The following CHCHD3 variants were observed in gnomAD, a reference collection of about 807,000 sequenced individuals.
The protein encoded by CHCHD3 is MICOS complex subunit MIC19.
A neutral mutation model predicts 38.2 loss-of-function variants in CHCHD3; 20 were observed. The observed-to-expected ratio is 0.52, with a 90% CI of 0.37 to 0.76. The LOEUF (loss-of-function observed/expected upper bound fraction) is 0.76. CHCHD3 is among the 30% of genes least tolerant of loss of function. The pLI, the probability that CHCHD3 is intolerant of heterozygous loss-of-function variation, is 0.00. For synonymous variants in CHCHD3, 82 were observed against 100.0 expected (o/e 0.82, Z 1.07); for missense variants, 245 against 279.2 (o/e 0.88, Z 0.87).
At chr7:132,807,223 C>G (rs1806942676) in intron 6 of CHCHD3, among the ~76,000 whole-genome samples, 1 of 152,182 alleles carries the variant, frequency 6.6e-6, no homozygotes, top group South Asian at 2.1e-4. Flanking sequence ...GCAGTGGTAC[C>G]TGAGCAGGTG....
chr7:132,960,794 T>C (rs918366409), intron 4 of CHCHD3, among the ~76,000 whole-genome samples: 1 of 151,988 alleles, frequency 6.6e-6, no homozygotes, highest in Non-Finnish European at 1.5e-5. Flanking sequence ...CTGGCCAACA[T>C]GGTGAAACCC....
intron 2 of CHCHD3, among the ~76,000 whole-genome samples, chr7:133,027,363 A>AAGAG (rs371411456): frequency 0.021 from 2,841 of 133,818 alleles, 43 homozygotes; most frequent in Middle Eastern, 0.051. Flanking sequence ...AATAAGTTGT[A>AAGAG]AGAGAGAGAG....
chr7:133,014,814 G>A (rs1262997393), intron 3 of CHCHD3, among the ~76,000 whole-genome samples: 1 of 151,968 alleles, frequency 6.6e-6, no homozygotes, highest in Admixed American at 6.6e-5. Context: ...CACCGTGAAA[G>A]GTGCCCAATT....
At chr7:133,028,130 A>G (rs1813397590) in intron 2 of CHCHD3, among the ~76,000 whole-genome samples, 1 of 152,216 alleles carries the variant, frequency 6.6e-6, no homozygotes, top group Non-Finnish European at 1.5e-5. Flanking sequence ...AATATTTAAC[A>G]TAATTAGTAT....
At chr7:132,918,547 A>C (rs1810178057) in intron 4 of CHCHD3, among the ~76,000 whole-genome samples, 1 of 152,220 alleles carries the variant, frequency 6.6e-6, no homozygotes, top group Admixed American at 6.5e-5. Flanking sequence ...GTCTCACATG[A>C]GTATCAGCCC....
chr7:132,855,510 C>T (rs10488661), intron 5 of CHCHD3, among the ~76,000 whole-genome samples: 35,088 of 152,006 alleles, frequency 0.23, 4,236 homozygotes, highest in South Asian at 0.26. Flanking sequence ...TGGCAAAGGA[C>T]CATCAATCTA....
At chr7:132,942,574 T>A (rs140368445) in intron 4 of CHCHD3, among the ~76,000 whole-genome samples, 16 of 152,296 alleles carry the variant, frequency 1.1e-4, no homozygotes, top group African/African-American at 3.8e-4. Flanking sequence ...CCTGCGGCTT[T>A]ATACATTGGA....
intron 3 of CHCHD3, among the ~76,000 whole-genome samples, chr7:132,984,788 A>C (rs1812043648): frequency 1.4e-5 from 2 of 138,590 alleles, no homozygotes; most frequent in Admixed American, 7.1e-5. Context: ...TCCGCCCGGC[A>C]GCCACTCCGT....
At chr7:132,833,488 GAACT>G (rs1456508574) in intron 6 of CHCHD3, among the ~76,000 whole-genome samples, 12 of 152,076 alleles carry the variant, frequency 7.9e-5, no homozygotes, top group South Asian at 2.1e-4. Flanking sequence ...CAAAAGAGGA[GAACT>G]AACTTTGAAT....
At chr7:132,987,554 G>C (rs557248754) in intron 3 of CHCHD3, among the ~76,000 whole-genome samples, 1 of 152,146 alleles carries the variant, frequency 6.6e-6, no homozygotes, top group African/African-American at 2.4e-5. Context: ...GAGTGCCTTC[G>C]AAACAGCGCC....
intron 3 of CHCHD3, among the ~76,000 whole-genome samples, chr7:132,990,930 G>C (rs953719230): frequency 1.6e-5 from 2 of 128,364 alleles, no homozygotes; most frequent in South Asian, 2.4e-4. Flanking sequence ...TGGCCTTTCT[G>C]CTCCCCTACA....
Position 132,868,773 on chromosome 7 carries a change from G to T in CHCHD3, c.453+16889C>A, listed in dbSNP as rs1250855240. ...ATGAAAAGCTTGGTTTTCAAGAAAA[G>T]ACCTTTTAACCAGGACTATTCACAA... On this transcript the variant is annotated intron_variant, in intron 5 of 7. Transcript: ENST00000262570. Among the ~76,000 whole-genome samples the T allele has an allele frequency of 3.3e-5, 5 of 152,152 alleles. No individual in the cohort carries two copies. In the East Asian group the frequency reaches 9.7e-4, roughly 29 times the overall value.
chr7:132,982,128 G>T (rs6948353), intron 3 of CHCHD3, among the ~76,000 whole-genome samples: 70,215 of 151,622 alleles, frequency 0.46, 16,479 homozygotes, highest in East Asian at 0.55. Context: ...TTAAAAATAA[G>T]GACAAAACAC....
At chr7:132,797,858 C>T (rs1806660818) in intron 6 of CHCHD3, among the ~76,000 whole-genome samples, 1 of 152,042 alleles carries the variant, frequency 6.6e-6, no homozygotes, top group Non-Finnish European at 1.5e-5. Context: ...GGATTAAATA[C>T]ATACAGAGAA....
intron 2 of CHCHD3, among the ~76,000 whole-genome samples, chr7:133,034,256 T>C (rs1308523225): frequency 6.6e-6 from 1 of 152,172 alleles, no homozygotes; most frequent in African/African-American, 2.4e-5. Flanking sequence ...GATTTAAAGC[T>C]ACTCATCCTG....
intron 6 of CHCHD3, among the ~76,000 whole-genome samples, chr7:132,837,998 G>C (rs1807833485): frequency 6.6e-6 from 1 of 152,112 alleles, no homozygotes; most frequent in Non-Finnish European, 1.5e-5. Flanking sequence ...CTAACCACGA[G>C]AAAGGCAGAT....
chr7:132,965,940 C>T (rs1171607085), intron 4 of CHCHD3, among the ~76,000 whole-genome samples: 1 of 152,160 alleles, frequency 6.6e-6, no homozygotes, highest in Non-Finnish European at 1.5e-5. Context: ...ATCTAATCAA[C>T]AAATTTCTAT....
rs372201580 is a variant in CHCHD3, at chr7:132,996,131, C to A, written c.252-20845G>T. ...TATATCTTGATTATGTGAACCGAAA[C>A]GCTTAGCTCAAGACCCTCAAAGTAA... On this transcript the variant is annotated intron_variant, in intron 3 of 7. Transcript: ENST00000262570. Among the ~76,000 whole-genome samples the A allele has an allele frequency of 3.2e-3, 480 of 152,276 alleles. 3 individuals carry two copies. In the South Asian group the frequency reaches 0.037, roughly 12 times the overall value.
intron 6 of CHCHD3, among the ~76,000 whole-genome samples, chr7:132,829,577 C>T (rs1005479715): frequency 3.3e-5 from 5 of 152,052 alleles, no homozygotes; most frequent in African/African-American, 9.7e-5. Flanking sequence ...ACCACTTATA[C>T]GAAAGGAAAG....
Sources: gnomAD v4.1 joint callset for allele counts (sites outside exome capture counted in the v4.1 genomes callset) on GRCh38, gnomAD v4.1.1 for gene constraint, MANE v1.5 for transcripts, NCBI Gene and HGNC (gene_info 2026-07-23, HGNC 2026-07-21) for gene names.